Variants in CD2AP observed in about 807,000 individuals in gnomAD.
CD2AP encodes CD2-associated protein.
CD2AP carries 46 observed loss-of-function variants against 85.1 expected under a neutral mutation model. The ratio of observed to expected loss-of-function variants is 0.54; its 90% CI spans 0.43 to 0.69. CD2AP has a LOEUF of 0.69. Ranked by LOEUF, CD2AP falls within the 30% of genes least tolerant of loss-of-function variation. CD2AP has a pLI of 0.00. For missense variants in CD2AP, 769 were observed against 729.5 expected (o/e 1.05, Z -0.62); for synonymous variants, 255 against 252.9 (o/e 1.01, Z -0.08).
At chr6:47,508,534 CTTTTTTTTTTTGTT>C (rs1318030042) in intron 2 of CD2AP, among the ~76,000 whole-genome samples, 4 of 129,408 alleles carry the variant, frequency 3.1e-5, no homozygotes, top group Non-Finnish European at 6.4e-5. Context: ...TTCTTTCTTT[CTTTTTTTTTTTGTT>C]TTTTTTTTTT....
At chr6:47,598,535 T>C (rs919967217) in intron 12 of CD2AP, among the ~76,000 whole-genome samples, 3 of 150,906 alleles carry the variant, frequency 2.0e-5, no homozygotes, top group Non-Finnish European at 4.5e-5. Context: ...ATAAAGAAAT[T>C]GTGGTATATA....
At chr6:47,614,175 G>A (rs1310647571) in intron 17 of CD2AP, among the ~76,000 whole-genome samples, 4 of 152,190 alleles carry the variant, frequency 2.6e-5, no homozygotes, top group African/African-American at 9.6e-5. Flanking sequence ...CACTGCAGTA[G>A]CACTTTTAAT....
Position 47,624,234 on chromosome 6 carries a change from T to G in CD2AP, c.*7T>G, listed in dbSNP as rs770785971. Reference sequence around the variant, plus strand: ...AGCTGTCCTGTCTTCTTGAGTGGTGTGGACCTGGTGTTCATAATGTTCCAG... The same window carrying G: ...AGCTGTCCTGTCTTCTTGAGTGGTGGGGACCTGGTGTTCATAATGTTCCAG... On this transcript the variant is annotated 3_prime_UTR_variant, in exon 18 of 18. Coordinates refer to ENST00000359314, the MANE Select transcript of CD2AP (RefSeq NM_012120.3). The G allele has an allele frequency of 1.9e-6, 3 of 1,608,872 alleles. No homozygotes were observed. Among genetic ancestry groups the G allele is most frequent in the Non-Finnish European group, 2.6e-6 (3 of 1,175,446 alleles).
At chr6:47,580,479 G>A (rs1019248754) in intron 9 of CD2AP, among the ~76,000 whole-genome samples, 3 of 151,182 alleles carry the variant, frequency 2.0e-5, no homozygotes, top group Non-Finnish European at 4.4e-5. Flanking sequence ...AAAAAAAAAC[G>A]GTCTCTCCCT....
chr6:47,540,626 T>G (rs1767191199), intron 3 of CD2AP, among the ~76,000 whole-genome samples: 1 of 152,140 alleles, frequency 6.6e-6, no homozygotes, highest in Non-Finnish European at 1.5e-5. Context: ...TTATGTTTAG[T>G]GTGAGAGGAA....
intron 11 of CD2AP, among the ~76,000 whole-genome samples, chr6:47,587,540 G>T (rs1439788602): frequency 2.6e-5 from 4 of 152,110 alleles, no homozygotes; most frequent in Non-Finnish European, 5.9e-5. Context: ...TAAAATCCTG[G>T]CAAGCTGTGT....
At chr6:47,549,473 A>AAT (rs1270744410) in intron 4 of CD2AP, among the ~76,000 whole-genome samples, 4 of 151,444 alleles carry the variant, frequency 2.6e-5, no homozygotes, top group Non-Finnish European at 5.9e-5. Flanking sequence ...AAAAAAAAAA[A>AAT]AAAAAAATAA....
intron 4 of CD2AP, among the ~76,000 whole-genome samples, chr6:47,548,611 C>T (rs1767432804): frequency 2.6e-5 from 4 of 152,046 alleles, no homozygotes; most frequent in Admixed American, 2.6e-4. Context: ...GAATTCACAC[C>T]AGAATTCTAC....
chr6:47,479,273 AAACG>A (rs1481391084), intron 1 of CD2AP, among the ~76,000 whole-genome samples: 1 of 152,234 alleles, frequency 6.6e-6, no homozygotes, highest in Non-Finnish European at 1.5e-5. Flanking sequence ...TCATATCAAC[AAACG>A]ATCACCGAAA....
In CD2AP at chr6:47,626,827, A is replaced by G. The variant is rs1325161166; in HGVS notation, c.*2600A>G. On this transcript the variant is annotated 3_prime_UTR_variant, in exon 18 of 18. Coordinates refer to ENST00000359314, the MANE Select transcript of CD2AP (RefSeq NM_012120.3). ...GCAGAATGAGACAATCAGTTAAATC[A>G]GAAATGAGAAGTATTATAATGTAAA... 3 of 152,540 alleles carry G rather than the reference A, an allele frequency of 2.0e-5. No individual in the cohort carries two copies. The highest frequency in any genetic ancestry group is 4.4e-5 in the Non-Finnish European group (3 of 67,934). 9.4% of individuals were successfully genotyped at this position (152,540 alleles called of 1,614,324 possible).
intron 2 of CD2AP, among the ~76,000 whole-genome samples, chr6:47,519,942 T>C (rs1486777434): frequency 6.6e-6 from 1 of 152,234 alleles, no homozygotes; most frequent in Admixed American, 6.5e-5. Flanking sequence ...TTAGCTTGAT[T>C]AGTCTATTTG....
At chr6:47,523,089 T>C (rs1374114206) in intron 2 of CD2AP, among the ~76,000 whole-genome samples, 2 of 152,096 alleles carry the variant, frequency 1.3e-5, no homozygotes, top group East Asian at 3.8e-4. Context: ...TCTTTTGCTT[T>C]ATGAAACTGT....
intron 13 of CD2AP, among the ~76,000 whole-genome samples, chr6:47,601,344 A>G (rs1023349508): frequency 1.3e-5 from 2 of 151,942 alleles, no homozygotes; most frequent in African/African-American, 4.8e-5. Flanking sequence ...AGATGCTGAG[A>G]CTTAGCCAAG....
At chr6:47,606,395 C>G in intron 14 of CD2AP, 118 bp downstream of exon 14, 2 of 706,926 alleles carry the variant, frequency 2.8e-6, no homozygotes, top group Non-Finnish European at 5.2e-6. Flanking sequence ...CTCTTATACT[C>G]AAGTGGCAAA....
chr6:47,551,340 C>A (rs1188215174), intron 4 of CD2AP, among the ~76,000 whole-genome samples: 2 of 152,140 alleles, frequency 1.3e-5, no homozygotes, highest in Non-Finnish European at 2.9e-5. Context: ...TGTGTCAAAA[C>A]ACCCTGTAAT....
At chr6:47,568,013 G>C (rs1768049020) in intron 5 of CD2AP, among the ~76,000 whole-genome samples, 1 of 152,102 alleles carries the variant, frequency 6.6e-6, no homozygotes, top group Non-Finnish European at 1.5e-5. Flanking sequence ...AGTGCTATGG[G>C]GATGGAGAGA....
intron 11 of CD2AP, among the ~76,000 whole-genome samples, chr6:47,591,656 C>T (rs140250345): frequency 2.3e-3 from 350 of 151,998 alleles, no homozygotes; most frequent in African/African-American, 7.3e-3. Flanking sequence ...GGACATTGAC[C>T]CTCATCTGAA....
chr6:47,496,327 A>G (rs186947591), intron 1 of CD2AP, among the ~76,000 whole-genome samples: 4 of 152,240 alleles, frequency 2.6e-5, no homozygotes, highest in African/African-American at 7.2e-5. Flanking sequence ...TAAGTCACCC[A>G]TTAGTCTGAA....
intron 5 of CD2AP, among the ~76,000 whole-genome samples, chr6:47,556,888 A>G (rs1767708689): frequency 6.6e-6 from 1 of 152,190 alleles, no homozygotes. Context: ...TAGATCCTTG[A>G]GGAATTGCCA....
Sources: gnomAD v4.1 joint callset for allele counts (sites outside exome capture counted in the v4.1 genomes callset) on GRCh38, gnomAD v4.1.1 for gene constraint, MANE v1.5 for transcripts, NCBI Gene and HGNC (gene_info 2026-07-23, HGNC 2026-07-21) for gene names.